Variants in NPEPPS observed in about 807,000 individuals in gnomAD.
NPEPPS encodes the protein puromycin-sensitive aminopeptidase.
In NPEPPS, 14 loss-of-function variants were observed where a neutral mutation model predicts 115.5. That is an observed-to-expected ratio of 0.12 (90% CI 0.08 to 0.19). The LOEUF (loss-of-function observed/expected upper bound fraction) is 0.19. NPEPPS is among the 10% of genes least tolerant of loss of function. NPEPPS has a pLI of 1.00. For synonymous variants in NPEPPS, 285 were observed against 390.6 expected (o/e 0.73, Z 3.19); for missense variants, 523 against 1,110.8 (o/e 0.47, Z 7.52).
chr17:47,615,225 C>G (rs1420943623), intron 19 of NPEPPS, among the ~76,000 whole-genome samples: 1 of 151,768 alleles, frequency 6.6e-6, no homozygotes, highest in Non-Finnish European at 1.5e-5. Context: ...CTACAGGCAC[C>G]CGCCACCACA....
At chr17:47,548,228 A>C (rs1909377254) in intron 2 of NPEPPS, 1 of 152,202 alleles carries the variant, frequency 6.6e-6, no homozygotes, top group African/African-American at 2.4e-5. Flanking sequence ...TATTCCCAAG[A>C]AGTACTTAAG....
chr17:47,578,521 A>T (rs11079782), intron 3 of NPEPPS, among the ~76,000 whole-genome samples: 68,109 of 151,676 alleles, frequency 0.45, 16,274 homozygotes, highest in East Asian at 0.55. Flanking sequence ...CTAGATAATA[A>T]TTATAATTTT....
chr17:47,527,536 A>T (rs1327540568), upstream of NPEPPS, among the ~76,000 whole-genome samples: 1 of 151,876 alleles, frequency 6.6e-6, no homozygotes, highest in Non-Finnish European at 1.5e-5. Context: ...TAAGCACTTG[A>T]TAAACATTCA....
Position 47,601,673 on chromosome 17 carries a change from A to C in NPEPPS, c.1666A>C (p.Lys556Gln). The C allele has an allele frequency of 6.2e-7, 1 of 1,612,248 alleles. No homozygotes were observed. The highest frequency in any genetic ancestry group is 8.5e-7 in the Non-Finnish European group (1 of 1,179,456). The change falls in exon 15 of 23, where the codon AAA (lysine) becomes CAA (glutamine). Residue 556 changes from lysine (K) to glutamine (Q), a missense_variant. Physicochemically the swap from Lys to Gln is moderately conservative, Grantham distance 53 (BLOSUM62 1). This residue lies in a region of NPEPPS where 372 missense variants were observed against 542.6 expected (regional missense o/e 0.69). Coordinates refer to ENST00000322157, the MANE Select transcript of NPEPPS (RefSeq NM_006310.4). ...TACTAGTGAAGACCCCAACCAGGCCAAACTAAAAATTCTAATGGACAAGCC... is the reference window on the plus strand; with the variant it reads ...TACTAGTGAAGACCCCAACCAGGCCCAACTAAAAATTCTAATGGACAAGCC... ...ISTSEDPNQAKLKILMDKPEM... is the reference protein window; with the variant it reads ...ISTSEDPNQAQLKILMDKPEM...
intron 2 of NPEPPS, among the ~76,000 whole-genome samples, chr17:47,549,883 A>G (rs929741357): frequency 1.3e-5 from 2 of 151,482 alleles, no homozygotes; most frequent in East Asian, 3.9e-4. Flanking sequence ...AGAAGGTAAA[A>G]GTAAAATCAG....
At chr17:47,597,296 C>G (rs1319364432) in intron 13 of NPEPPS, among the ~76,000 whole-genome samples, 1 of 152,086 alleles carries the variant, frequency 6.6e-6, no homozygotes, top group African/African-American at 2.4e-5. Context: ...ATGAGTTATA[C>G]TTCAAAAGGA....
chr17:47,615,986 A>G (rs1236982638), intron 19 of NPEPPS, among the ~76,000 whole-genome samples: 1 of 152,214 alleles, frequency 6.6e-6, no homozygotes, highest in African/African-American at 2.4e-5. Flanking sequence ...AATTCATAGT[A>G]TATTTGAAAT....
intron 3 of NPEPPS, among the ~76,000 whole-genome samples, chr17:47,571,417 A>C (rs1911182290): frequency 6.6e-6 from 1 of 152,152 alleles, no homozygotes; most frequent in Non-Finnish European, 1.5e-5. Context: ...CTTTATGTGT[A>C]ATTATTATAA....
Position 47,604,089 on chromosome 17 carries a change from G to A in NPEPPS, c.1875+40G>A, listed in dbSNP as rs746442880. 5 of 1,575,000 alleles carry A rather than the reference G, an allele frequency of 3.2e-6. No individual in the cohort carries two copies. In the African/African-American group the frequency reaches 6.8e-5, roughly 21 times the overall value. On this transcript the variant is annotated intron_variant, in intron 16 of 22. Coordinates refer to ENST00000322157, the MANE Select transcript of NPEPPS (RefSeq NM_006310.4). The stretch of plus-strand genomic sequence containing the variant: ...CTTAAGTAATATGATGGATTTTGCT[G>A]ATTAAAAGATTCTGTTTTTCCTGGA...
chr17:47,610,662 G>A (rs770688630), intron 17 of NPEPPS, among the ~76,000 whole-genome samples: 79 of 151,636 alleles, frequency 5.2e-4, no homozygotes, highest in Admixed American at 1.9e-3. Context: ...GATTACAGGC[G>A]TGAACCACCA....
At chr17:47,536,497 A>G (rs768821170) in intron 1 of NPEPPS, among the ~76,000 whole-genome samples, 26 of 143,008 alleles carry the variant, frequency 1.8e-4, no homozygotes, top group Non-Finnish European at 3.0e-4. Context: ...AGGTTCAAGC[A>G]ATTCTCCTGC....
chr17:47,586,635 A>G, intron 8 of NPEPPS: 1 of 587,272 alleles, frequency 1.7e-6, no homozygotes, highest in South Asian at 1.5e-5. Flanking sequence ...TTTTAGATAT[A>G]TTCTTGGCTA....
intron 2 of NPEPPS, among the ~76,000 whole-genome samples, chr17:47,553,688 A>T (rs1909801789): frequency 6.6e-6 from 1 of 152,214 alleles, no homozygotes; most frequent in South Asian, 2.1e-4. Flanking sequence ...AACAAAAGCT[A>T]ATAAAAAATA....
At chr17:47,591,823 T>C (rs1310707752) in intron 10 of NPEPPS, 133 bp from the exon 11 acceptor site, 1 of 507,402 alleles carries the variant, frequency 2.0e-6, no homozygotes, top group Admixed American at 3.6e-5. Context: ...TTGAGGACCA[T>C]CGTTATACAT....
chr17:47,562,230 C>T (rs1006155927), intron 2 of NPEPPS, among the ~76,000 whole-genome samples: 15 of 152,306 alleles, frequency 9.8e-5, no homozygotes, highest in African/African-American at 3.6e-4. Flanking sequence ...GCTGGTTGGC[C>T]AGAAGTTCTG....
chr17:47,544,224 TCTCTCTA>T (rs960625859), intron 1 of NPEPPS, among the ~76,000 whole-genome samples: 2 of 151,832 alleles, frequency 1.3e-5, no homozygotes, highest in Non-Finnish European at 2.9e-5. Context: ...GGAGATGGGG[TCTCTCTA>T]CTCTCTATGT....
At chr17:47,533,842 T>G (rs1908001593) in intron 1 of NPEPPS, among the ~76,000 whole-genome samples, 1 of 152,164 alleles carries the variant, frequency 6.6e-6, no homozygotes, top group Non-Finnish European at 1.5e-5. Flanking sequence ...AAAACACTTT[T>G]TTTCCAGAAA....
intron 13 of NPEPPS, among the ~76,000 whole-genome samples, chr17:47,597,766 ATTC>A (rs1912968274): frequency 6.6e-6 from 1 of 152,346 alleles, no homozygotes; most frequent in Middle Eastern, 3.4e-3. Flanking sequence ...ATTTAAACCA[ATTC>A]TTGCACTCTC....
chr17:47,535,678 C>T (rs1306498026), intron 1 of NPEPPS, among the ~76,000 whole-genome samples: 1 of 150,964 alleles, frequency 6.6e-6, no homozygotes, highest in African/African-American at 2.4e-5. Flanking sequence ...CCTCCCTTTA[C>T]ACTGGATACT....
Sources: gnomAD v4.1 joint callset for allele counts (sites outside exome capture counted in the v4.1 genomes callset) on GRCh38, gnomAD v4.1.1 for gene constraint, gnomAD v4.1.1 regional missense constraint, MANE v1.5 for transcripts, NCBI Gene and HGNC (gene_info 2026-07-23, HGNC 2026-07-21) for gene names.